Variants in LANCL1 observed in about 807,000 individuals in gnomAD.
The protein encoded by LANCL1 is glutathione S-transferase LANCL1.
A neutral mutation model predicts 50.6 loss-of-function variants in LANCL1; 50 were observed. The ratio of observed to expected loss-of-function variants is 0.99; its 90% confidence interval spans 0.79 to 1.25. The LOEUF is 1.25. Ranked by LOEUF, LANCL1 falls within the 50% of genes most tolerant of loss-of-function variation. The pLI is 0.00. For missense variants in LANCL1, 532 were observed against 480.7 expected (o/e 1.11, Z -1.00); for synonymous variants, 188 against 178.6 (o/e 1.05, Z -0.42).
At chr2:210,435,067 C>T (rs2105881346) in intron 9 of LANCL1, among the ~76,000 whole-genome samples, 1 of 152,170 alleles carries the variant, frequency 6.6e-6, no homozygotes, top group East Asian at 1.9e-4. Flanking sequence ...CAAACATAAG[C>T]TCCTGAGCCT....
chr2:210,443,958 A>C (rs890236762), intron 4 of LANCL1, among the ~76,000 whole-genome samples: 1 of 152,194 alleles, frequency 6.6e-6, no homozygotes, highest in Non-Finnish European at 1.5e-5. Flanking sequence ...TGATGAATAA[A>C]GTCTAAGAAG....
chr2:210,440,797 T>C, intron 5 of LANCL1, 53 bp from the exon 6 acceptor site: 1 of 1,551,606 alleles, frequency 6.4e-7, no homozygotes. Flanking sequence ...AAAATCTTCC[T>C]GGAGGAGGTA....
At chr2:210,438,156 T>TG (rs1322137255) in intron 6 of LANCL1, among the ~76,000 whole-genome samples, 1 of 147,344 alleles carries the variant, frequency 6.8e-6, no homozygotes, top group East Asian at 2.0e-4. Flanking sequence ...TTTTTTGAGA[T>TG]GGAGTTTCAC....
At chr2:210,472,171 CT>C in intron 2 of LANCL1, 95 bp from the exon 3 acceptor site, 1 of 809,646 alleles carries the variant, frequency 1.2e-6, no homozygotes, top group Non-Finnish European at 2.1e-6. Flanking sequence ...TTCTTTTCCA[CT>C]TAGGACATAT....
At chr2:210,466,985 T>A (rs1407238511) in intron 3 of LANCL1, among the ~76,000 whole-genome samples, 1 of 152,166 alleles carries the variant, frequency 6.6e-6, no homozygotes, top group Non-Finnish European at 1.5e-5. Context: ...TTTCAAGATA[T>A]GAATCTTGGA....
chr2:210,448,882 A>G (rs959313766), intron 4 of LANCL1, among the ~76,000 whole-genome samples: 62 of 152,332 alleles, frequency 4.1e-4, no homozygotes, highest in African/African-American at 1.4e-3. Context: ...CAACCAAAAA[A>G]AGTCCAGGAC....
At chr2:210,470,668 C>T (rs1175460009) in intron 3 of LANCL1, among the ~76,000 whole-genome samples, 1 of 152,064 alleles carries the variant, frequency 6.6e-6, no homozygotes, top group African/African-American at 2.4e-5. Context: ...TTGGGATGCT[C>T]AACCTGTACT....
chr2:210,469,254 T>C (rs1317599759), intron 3 of LANCL1: 2 of 152,206 alleles, frequency 1.3e-5, no homozygotes, highest in African/African-American at 2.4e-5. Flanking sequence ...TAAGTGATAC[T>C]TGGAAAGCTA....
chr2:210,454,624 G>A (rs1297180958), intron 4 of LANCL1, among the ~76,000 whole-genome samples: 1 of 152,148 alleles, frequency 6.6e-6, no homozygotes, highest in Non-Finnish European at 1.5e-5. Context: ...AAGTCTATTA[G>A]TACAAACATT....
chr2:210,458,649 G>A (rs1693740252), intron 3 of LANCL1, among the ~76,000 whole-genome samples: 1 of 152,146 alleles, frequency 6.6e-6, no homozygotes, highest in Admixed American at 6.5e-5. Flanking sequence ...AGAAGAAGAT[G>A]TCAAAATGCC....
Position 210,440,691 on chromosome 2 carries a change from G to T in LANCL1, c.597C>A (p.Phe199Leu). The T allele has an allele frequency of 6.2e-7, 1 of 1,614,010 alleles. No individual in the cohort carries two copies. Residue 199 changes from phenylalanine to leucine, a missense_variant, in exon 6 of 10, where the codon TTC becomes TTA. Coordinates refer to ENST00000450366, the MANE Select transcript of LANCL1 (RefSeq NM_006055.3). ...SGENLARKRN[F>L]TAKSPLMYEW... is the part of the protein sequence containing the mutation. ...CATACATCAGTGGAGACTTTGCCGT[G>T]AAGTTTCTCTTCCTAGCTAGGTTTT...
At chr2:210,466,353 T>C (rs764770359) in intron 3 of LANCL1, among the ~76,000 whole-genome samples, 4 of 152,150 alleles carry the variant, frequency 2.6e-5, no homozygotes, top group Non-Finnish European at 4.4e-5. Flanking sequence ...GAGTACACTG[T>C]GGAGATAAAA....
intron 4 of LANCL1, among the ~76,000 whole-genome samples, chr2:210,454,183 G>A (rs1326213752): frequency 6.6e-6 from 1 of 150,640 alleles, no homozygotes; most frequent in Non-Finnish European, 1.5e-5. Context: ...ATCACTGCAT[G>A]GGAAAAAATT....
chr2:210,453,617 T>C (rs1693574182), intron 4 of LANCL1, among the ~76,000 whole-genome samples: 1 of 152,186 alleles, frequency 6.6e-6, no homozygotes, highest in Non-Finnish European at 1.5e-5. Context: ...ATATAGAATA[T>C]TGGGAGCACT....
chr2:210,441,414 T>G lies in LANCL1; in HGVS notation c.437A>C (p.His146Pro), dbSNP rs202027938. ...CCCATAGAGCATTTCATTTGGAGCA[T>G]GAGGATCAATCTTATTTAGGTGAAT... ...RLIHLNKIDP[H>P]APNEMLYGRI... The change falls in exon 5 of 10, where the codon CAT becomes CCT. Residue 146 changes from histidine (H) to proline (P), a missense_variant. Physicochemically the swap from His to Pro is moderately conservative, Grantham distance 77. Transcript: ENST00000450366. 2.2e-4 allele frequency: 359 copies of G among 1,611,702 alleles called. No homozygotes were observed. In the East Asian group the frequency reaches 6.0e-3, roughly 27 times the overall value.
At chr2:210,473,350 G>C (rs953979243) in intron 2 of LANCL1, among the ~76,000 whole-genome samples, 1 of 152,072 alleles carries the variant, frequency 6.6e-6, no homozygotes, top group Non-Finnish European at 1.5e-5. Flanking sequence ...ACTCCAGCCT[G>C]GGCAACAAGA....
chr2:210,445,263 C>A (rs961929402), intron 4 of LANCL1, among the ~76,000 whole-genome samples: 1 of 152,120 alleles, frequency 6.6e-6, no homozygotes, highest in African/African-American at 2.4e-5. Flanking sequence ...ATTTGAACCA[C>A]GGCATTAACT....
At chr2:210,465,855 G>T (rs778234896) in intron 3 of LANCL1, among the ~76,000 whole-genome samples, 4 of 151,010 alleles carry the variant, frequency 2.6e-5, no homozygotes, top group Non-Finnish European at 4.4e-5. Context: ...ACCCTATTCT[G>T]GGGGGGGAAA....
At position 210,434,508 on chromosome 2, in the gene LANCL1, C is replaced by G. The variant is rs778625588; in HGVS notation, c.1179G>C (p.Arg393Ser). 3.1e-6 allele frequency: 5 copies of G among 1,613,026 alleles called. No individual in the cohort carries two copies. Among genetic ancestry groups the G allele is most frequent in the Non-Finnish European group, 4.2e-6 (5 of 1,179,490 alleles). The change falls in exon 10 of 10, where the codon AGG becomes AGC. Residue 393 changes from arginine to serine, a missense_variant. Physicochemically the swap from Arg to Ser is moderately radical, Grantham distance 110. Transcript: ENST00000450366. ...CCTTTCAGAGTTCAAATGCAGGGAA[C>G]CTGGCTTTTGTGGGGACTAGCAGGT... is the stretch of plus-strand genomic sequence containing the variant. Reference protein sequence around the residue: ...LADLLVPTKARFPAFEL With the variant: ...LADLLVPTKASFPAFEL
Sources: gnomAD v4.1 joint callset for allele counts (sites outside exome capture counted in the v4.1 genomes callset) on GRCh38, gnomAD v4.1.1 for gene constraint, MANE v1.5 for transcripts, NCBI Gene and HGNC (gene_info 2026-07-23, HGNC 2026-07-21) for gene names.